Variants in ART3 observed in about 807,000 individuals in gnomAD.
The protein encoded by ART3 is ADP-ribosyltransferase 3 (inactive).
In ART3, 49 loss-of-function variants were observed where a neutral mutation model predicts 48.5. The observed-to-expected ratio is 1.01, with a 90% CI of 0.80 to 1.28. The LOEUF is 1.28. Among genes scored for constraint, ART3 ranks in the 50% most tolerant of loss-of-function variants. ART3 has a pLI of 0.00. For missense variants in ART3, 438 were observed against 454.3 expected (o/e 0.96, Z 0.33); for synonymous variants, 145 against 157.2 (o/e 0.92, Z 0.58).
intron 1 of ART3, among the ~76,000 whole-genome samples, chr4:76,018,614 A>G (rs1560575021): frequency 6.6e-6 from 1 of 152,230 alleles, no homozygotes; most frequent in Admixed American, 6.5e-5. Context: ...AAAAAAATTC[A>G]AGAAGTATTA....
chr4:76,082,559 T>C, intron 3 of ART3, 24 bp downstream of exon 3: 1 of 1,525,484 alleles, frequency 6.6e-7, no homozygotes, highest in Non-Finnish European at 8.8e-7. Context: ...CTGTCTGTGC[T>C]TGGCTGGGAG....
chr4:76,103,895 G>A, intron 8 of ART3, 42 bp from the exon 9 acceptor site: 2 of 1,538,752 alleles, frequency 1.3e-6, no homozygotes, highest in South Asian at 1.1e-5. Context: ...AACAGTATAA[G>A]ATAACTGATT....
chr4:76,107,562 T>A (rs1249740965), intron 10 of ART3, 199 bp from the exon 11 acceptor site: 4 of 393,490 alleles, frequency 1.0e-5, no homozygotes, highest in Non-Finnish European at 1.9e-5. Flanking sequence ...CACATATTGA[T>A]GGGAAAAAAA....
At chr4:76,042,223 TTAATG>T (rs767089682) in intron 1 of ART3, among the ~76,000 whole-genome samples, 32 of 152,270 alleles carry the variant, frequency 2.1e-4, no homozygotes, top group Middle Eastern at 3.4e-3. Flanking sequence ...TTAAAAGAGA[TTAATG>T]TAAGCTATTT....
intron 8 of ART3, among the ~76,000 whole-genome samples, chr4:76,101,949 C>G (rs1164957357): frequency 2.0e-5 from 3 of 152,128 alleles, no homozygotes; most frequent in Non-Finnish European, 4.4e-5. Flanking sequence ...GAGATGAACA[C>G]AAAGATTTGT....
chr4:76,042,596 G>A (rs1343800391), intron 1 of ART3, among the ~76,000 whole-genome samples: 2 of 152,114 alleles, frequency 1.3e-5, no homozygotes, highest in African/African-American at 4.8e-5. Flanking sequence ...GACCCTCGCG[G>A]TGAGTGTTAC....
At chr4:76,098,014 A>T (rs1380117135) in intron 4 of ART3, among the ~76,000 whole-genome samples, 1 of 152,058 alleles carries the variant, frequency 6.6e-6, no homozygotes, top group Non-Finnish European at 1.5e-5. Flanking sequence ...ATCTTCAGCC[A>T]TTTCCCACTT....
At chr4:76,108,372 A>C (rs1728866261) in intron 11 of ART3, among the ~76,000 whole-genome samples, 1 of 152,206 alleles carries the variant, frequency 6.6e-6, no homozygotes, top group African/African-American at 2.4e-5. Flanking sequence ...TATCAAAACT[A>C]TTAAAAATAT....
intron 1 of ART3, among the ~76,000 whole-genome samples, chr4:76,069,134 T>C (rs1297549044): frequency 7.1e-6 from 1 of 140,628 alleles, no homozygotes; most frequent in Non-Finnish European, 1.5e-5. Context: ...AAGGCAAAAC[T>C]GGTGACAGGA....
At chr4:76,069,471 C>A (rs1386929753) in intron 1 of ART3, among the ~76,000 whole-genome samples, 1 of 149,690 alleles carries the variant, frequency 6.7e-6, no homozygotes, top group Admixed American at 6.7e-5. Flanking sequence ...CTCACTGCAA[C>A]CTTCACCTTC....
At chr4:76,068,639 G>A (rs1263495515) in intron 1 of ART3, among the ~76,000 whole-genome samples, 1 of 147,546 alleles carries the variant, frequency 6.8e-6, no homozygotes, top group Non-Finnish European at 1.5e-5. Context: ...GGTGGAGGGT[G>A]GGAAGGGGAA....
chr4:76,100,839 A>G lies in ART3; in HGVS notation c.907+15A>G, dbSNP rs979398331. 6.8e-6 allele frequency: 11 copies of G among 1,610,330 alleles called. No homozygotes were observed. The highest frequency in any genetic ancestry group is 1.6e-4 in the Middle Eastern group (1 of 6,066). On this transcript the variant is annotated intron_variant, in intron 7 of 11. Coordinates refer to ENST00000355810, the MANE Select transcript of ART3 (RefSeq NM_001130016.3). ...TGAAGACCATGGTAAGACATTTTTT[A>G]TAAATTCTGGGGGCTTACATTTTAC...
In ART3 at chr4:76,040,440, A is replaced by ACACACACACACACG. The variant is rs749734031; in HGVS notation, c.-10+29133_-10+29134insGCACACACACACAC. The stretch of plus-strand genomic sequence containing the variant: ...ATGGATACGCACATACACTGGATAC[A>ACACACACACACACG]CACACACACACACACACACACACAC... On this transcript the variant is annotated intron_variant, in intron 1 of 9. Transcript: ENST00000341029. Among the ~76,000 whole-genome samples, 15 of 93,284 alleles carry ACACACACACACACG rather than the reference A, an allele frequency of 1.6e-4. 1 individual carries two copies. In the South Asian group the frequency reaches 2.1e-3, roughly 13 times the overall value. 61.2% of individuals were successfully genotyped at this position (93,284 alleles called of 152,430 possible).
intron 1 of ART3, among the ~76,000 whole-genome samples, chr4:76,054,994 C>G (rs1718546878): frequency 6.6e-6 from 1 of 152,170 alleles, no homozygotes; most frequent in South Asian, 2.1e-4. Flanking sequence ...AGGCTGGACT[C>G]AAACTCCTGG....
At chr4:76,043,072 T>C (rs1207262926) in intron 1 of ART3, among the ~76,000 whole-genome samples, 1 of 151,974 alleles carries the variant, frequency 6.6e-6, no homozygotes, top group Non-Finnish European at 1.5e-5. Flanking sequence ...GAGTGTCGAT[T>C]GGTGCATTCA....
At chr4:76,015,350 C>T (rs1029180603) in intron 1 of ART3, among the ~76,000 whole-genome samples, 4 of 152,044 alleles carry the variant, frequency 2.6e-5, no homozygotes, top group Non-Finnish European at 5.9e-5. Flanking sequence ...GGTATTCAAA[C>T]TAGGATGTTA....
At chr4:76,036,943 TC>T in intron 1 of ART3, 1 of 188,022 alleles carries the variant, frequency 5.3e-6, no homozygotes, top group Non-Finnish European at 1.2e-5. Flanking sequence ...TGGGATCATG[TC>T]CCACACAAAT....
intron 1 of ART3, 44 bp from the exon 2 acceptor site, chr4:76,075,837 C>CT: frequency 6.7e-7 from 1 of 1,501,426 alleles, no homozygotes; most frequent in Non-Finnish European, 9.2e-7. Context: ...CCCTACACCT[C>CT]TTTTTTGAGT....
intron 4 of ART3, among the ~76,000 whole-genome samples, chr4:76,098,533 G>A (rs755289814): frequency 2.0e-5 from 3 of 152,036 alleles, no homozygotes; most frequent in Non-Finnish European, 2.9e-5. Context: ...AGGCTGAGGC[G>A]GGTGGATTGC....
Sources: allele counts gnomAD v4.1 joint callset (sites outside exome capture counted in the v4.1 genomes callset), GRCh38; gene constraint gnomAD v4.1.1; transcripts MANE v1.5; gene names NCBI Gene and HGNC (gene_info 2026-07-23, HGNC 2026-07-21).